COPA: variants seen among roughly 807,000 people sequenced by gnomAD.
The protein encoded by COPA is coat protein complex I subunit alpha.
Under a neutral mutation model 158.7 loss-of-function variants are expected in COPA, and 10 were observed. That is an observed-to-expected ratio of 0.06 (90% CI 0.04 to 0.11). The LOEUF is 0.11. Among genes scored for constraint, COPA ranks in the 10% least tolerant of loss-of-function variants. The pLI, the probability that COPA is intolerant of heterozygous loss-of-function variation, is 1.00. For synonymous variants in COPA, 462 were observed against 542.8 expected, an observed-to-expected ratio of 0.85 and a Z score of 2.07; for missense variants, 1,065 against 1,536.7, an observed-to-expected ratio of 0.69 and a Z score of 5.13.
Position 160,307,242 on chromosome 1 carries a change from G to A in COPA, c.1223C>T (p.Pro408Leu), listed in dbSNP as rs1432007406. 2 of 1,614,192 alleles carry A rather than the reference G, an allele frequency of 1.2e-6. No homozygotes were observed. Among genetic ancestry groups the A allele is most frequent in the South Asian group, 1.1e-5 (1 of 91,084 alleles). ...KDADSQNPDA[P>L]EGKRSSGLTA... is the part of the protein sequence containing the mutation. ...CAGGCCTGAGGATCGTTTCCCTTCA[G>A]GCGCTGAGAAGAACAAAACCAAAGG... is the stretch of plus-strand genomic sequence containing the variant. The change falls in exon 14 of 33, where the codon CCT becomes CTT. Residue 408 changes from proline to leucine, a missense_variant. Transcript: ENST00000241704.
At chr1:160,331,280 T>C (rs1647499018) in intron 6 of COPA, among the ~76,000 whole-genome samples, 3 of 152,172 alleles carry the variant, frequency 2.0e-5, no homozygotes, top group Non-Finnish European at 4.4e-5. Context: ...TAAAGATATG[T>C]AAACTGTAAA....
chr1:160,336,688 C>T (rs770072370), intron 3 of COPA, among the ~76,000 whole-genome samples: 55 of 152,052 alleles, frequency 3.6e-4, no homozygotes, highest in Non-Finnish European at 7.2e-4. Flanking sequence ...AATAAGAGAC[C>T]AGATGCATTT....
intron 22 of COPA, 28 bp downstream of exon 22, chr1:160,296,033 A>G: frequency 1.9e-6 from 3 of 1,601,340 alleles, no homozygotes. Context: ...TCCTGTAATA[A>G]GAGACAATTA....
At chr1:160,337,910 A>G (rs974201875) in intron 3 of COPA, among the ~76,000 whole-genome samples, 5 of 152,188 alleles carry the variant, frequency 3.3e-5, no homozygotes, top group African/African-American at 9.7e-5. Flanking sequence ...ATATATTCAC[A>G]GTTGTGCAAC....
intron 21 of COPA, among the ~76,000 whole-genome samples, chr1:160,296,680 A>C (rs1359322628): frequency 6.6e-6 from 1 of 152,212 alleles, no homozygotes; most frequent in Non-Finnish European, 1.5e-5. Flanking sequence ...TTGTGGTTTT[A>C]AACTACTAAA....
Position 160,292,614 on chromosome 1 carries a change from G to A in COPA, c.2830C>T (p.His944Tyr). ...AACTGGATTACCCCTACTTGGTCATGAAGGAGCTGGAACAGAAGGAAAGAA... is the reference window on the plus strand; with the variant it reads ...AACTGGATTACCCCTACTTGGTCATAAAGGAGCTGGAACAGAAGGAAAGAA... ...GSFETAMRLL[H>Y]DQVGVIQFGP... Residue 944 changes from histidine to tyrosine, a missense_variant, in exon 28 of 33, where the codon CAT (histidine) becomes TAT (tyrosine). Physicochemically the swap from His to Tyr is moderately conservative, Grantham distance 83. Transcript: ENST00000241704. The A allele has an allele frequency of 6.3e-7, 1 of 1,598,746 alleles. No homozygotes were observed. Among genetic ancestry groups the A allele is most frequent in the Non-Finnish European group, 8.5e-7 (1 of 1,174,572 alleles).
At chr1:160,305,593 A>G in intron 16 of COPA, 22 bp from the exon 17 acceptor site, 5 of 1,604,574 alleles carry the variant, frequency 3.1e-6, no homozygotes, top group Non-Finnish European at 3.4e-6. Flanking sequence ...AAAGGGCATG[A>G]GTGTTCTGTT....
chr1:160,342,991 C>A, intron 1 of COPA, 140 bp downstream of exon 1: 2 of 1,044,544 alleles, frequency 1.9e-6, no homozygotes, highest in South Asian at 1.3e-5. Flanking sequence ...CCAGGCCCAA[C>A]CTCTCTCCCA....
chr1:160,329,887 T>C (rs148138605), intron 6 of COPA, among the ~76,000 whole-genome samples: 7,124 of 152,176 alleles, frequency 0.047, 528 homozygotes, highest in African/African-American at 0.16. Flanking sequence ...CTGAGGCAGC[T>C]GGATCACTTG....
At position 160,292,555 on chromosome 1, in the gene COPA, G is replaced by A. The variant is rs201477148; in HGVS notation, c.2889C>T (p.Tyr963=). ...CCTGATAGGTTGTGCGGCCTCGGGC[G>A]TATGTCTGTAGGAACAGTTGCTTGT... ...GPYKQLFLQT[Y]ARGRTTYQAL... Residue 963 remains tyrosine (Y), a synonymous_variant, in exon 28 of 33, where the codon TAC becomes TAT. Transcript: ENST00000241704. 9.6e-5 allele frequency: 155 copies of A among 1,613,984 alleles called. No individual in the cohort carries two copies. Among genetic ancestry groups the A allele is most frequent in the Non-Finnish European group, 1.1e-4 (132 of 1,179,972 alleles).
chr1:160,339,842 T>G (rs920549511), intron 3 of COPA, 67 bp downstream of exon 3: 2 of 1,458,726 alleles, frequency 1.4e-6, no homozygotes, highest in Non-Finnish European at 9.6e-7. Context: ...TTTCAGTTCC[T>G]TTCATGATTC....
At chr1:160,324,506 T>C (rs550220826) in intron 7 of COPA, among the ~76,000 whole-genome samples, 3 of 149,274 alleles carry the variant, frequency 2.0e-5, no homozygotes, top group Non-Finnish European at 4.4e-5. Flanking sequence ...CTATGTTGCC[T>C]AGGCTGGTTT....
chr1:160,291,994 GCGGC>G lies in COPA; in HGVS notation c.3147+14_3147+17del. On this transcript the variant is annotated intron_variant, in intron 29 of 32. Coordinates refer to ENST00000241704, the MANE Select transcript of COPA (RefSeq NM_004371.4). ...TGTGGAAGTGCCCAGAACTGGGACA[GCGGC>G]TAGACCCTCCTACCTCTGCAATCTC... The G allele has an allele frequency of 6.2e-7, 1 of 1,614,174 alleles. No homozygotes were observed. The highest frequency in any genetic ancestry group is 8.5e-7 in the Non-Finnish European group (1 of 1,179,998).
At chr1:160,314,209 G>T in intron 8 of COPA, 84 bp from the exon 9 acceptor site, 1 of 1,433,154 alleles carries the variant, frequency 7.0e-7, no homozygotes, top group Non-Finnish European at 9.4e-7. Flanking sequence ...TCTTCATCAA[G>T]AACTAAGTAC....
rs941514851 is a variant in COPA, at chr1:160,296,140, G to C, written c.2273C>G (p.Ala758Gly). 1.2e-6 allele frequency: 2 copies of C among 1,614,002 alleles called. No homozygotes were observed. The highest frequency in any genetic ancestry group is 1.7e-6 in the Non-Finnish European group (2 of 1,179,974). ...GCCATGGGTAGCAGCTGTGAGATAG[G>C]CCAGGGACTCTGTAGAGAAAACAGA... ...ILKNCGQKSL[A>G]YLTAATHGLD... The change falls in exon 22 of 33, where the codon GCC becomes GGC. Residue 758 changes from alanine to glycine, a missense_variant. Around this residue, in one of 2 missense-constraint regions of COPA, gnomAD observed 980 missense variants for 1,357.8 expected, o/e 0.72. Coordinates refer to ENST00000241704, the MANE Select transcript of COPA (RefSeq NM_004371.4).
At chr1:160,295,685 G>C (rs764348516) in intron 23 of COPA, 51 bp downstream of exon 23, 1 of 1,546,248 alleles carries the variant, frequency 6.5e-7, no homozygotes, top group Non-Finnish European at 8.7e-7. Flanking sequence ...CTCTAGGACA[G>C]TTCTTCACAA....
chr1:160,308,408 T>G (rs1658861070), intron 13 of COPA, among the ~76,000 whole-genome samples: 2 of 152,188 alleles, frequency 1.3e-5, no homozygotes, highest in Non-Finnish European at 2.9e-5. Context: ...TTCTTAGGAA[T>G]CTGTTGATGG....
intron 27 of COPA, 130 bp downstream of exon 27, chr1:160,293,034 TAA>T (rs3834718): frequency 0.06 from 55,607 of 925,644 alleles, 2,071 homozygotes; most frequent in African/African-American, 0.14. Flanking sequence ...TTAACAAAGA[TAA>T]AGAGTTTTCA....
chr1:160,316,490 C>CTT (rs1315049118), intron 8 of COPA, among the ~76,000 whole-genome samples: 2 of 152,016 alleles, frequency 1.3e-5, no homozygotes, highest in South Asian at 4.1e-4. Context: ...GTGGCTCATG[C>CTT]CTGTAATCAT....
Sources: allele counts gnomAD v4.1 joint callset (sites outside exome capture counted in the v4.1 genomes callset), GRCh38; gene constraint gnomAD v4.1.1; regional missense constraint gnomAD v4.1.1; transcripts MANE v1.5; gene names NCBI Gene and HGNC (gene_info 2026-07-23, HGNC 2026-07-21).